Variants in HMBOX1 observed in about 807,000 individuals in gnomAD.
HMBOX1 encodes the protein homeobox containing 1.
HMBOX1 carries 14 observed loss-of-function variants against 54.5 expected under a neutral mutation model. The observed-to-expected ratio is 0.26, with a 90% CI of 0.17 to 0.40. HMBOX1 has a LOEUF of 0.40. HMBOX1 is among the 10% of genes least tolerant of loss of function. The probability of loss-of-function intolerance (pLI) is 1.00; values close to 1 mark genes in which losing one functional copy is unlikely to be tolerated. For synonymous variants in HMBOX1, 160 were observed against 181.0 expected (o/e 0.88, Z 0.93); for missense variants, 332 against 514.4 (o/e 0.65, Z 3.43).
chr8:28,986,065 C>G (rs1830120016), intron 4 of HMBOX1, among the ~76,000 whole-genome samples: 1 of 152,204 alleles, frequency 6.6e-6, no homozygotes. Context: ...AAAAACTTCT[C>G]TGTGCTTTGC....
chr8:28,893,331 A>G (rs1277408760), intron 1 of HMBOX1, among the ~76,000 whole-genome samples: 3 of 152,200 alleles, frequency 2.0e-5, no homozygotes, highest in Non-Finnish European at 4.4e-5. Context: ...AAACCAGGGC[A>G]TGGGTGCTTG....
intron 1 of HMBOX1, among the ~76,000 whole-genome samples, chr8:28,959,875 G>T (rs1028184865): frequency 2.0e-5 from 3 of 151,844 alleles, no homozygotes; most frequent in Admixed American, 1.3e-4. Flanking sequence ...GATATATTCT[G>T]TTTTACTGGG....
chr8:28,959,958 T>C (rs1365130086), intron 1 of HMBOX1, among the ~76,000 whole-genome samples: 1 of 151,972 alleles, frequency 6.6e-6, no homozygotes, highest in Non-Finnish European at 1.5e-5. Context: ...AGGGTTTTTT[T>C]CCCCCAATAC....
chr8:29,025,309 C>A (rs1801858453), intron 6 of HMBOX1, among the ~76,000 whole-genome samples: 1 of 152,116 alleles, frequency 6.6e-6, no homozygotes, highest in South Asian at 2.1e-4. Flanking sequence ...TCACTTTGGG[C>A]AAATCATTCA....
At chr8:28,892,880 A>G (rs1022870194) in intron 1 of HMBOX1, among the ~76,000 whole-genome samples, 50 of 152,186 alleles carry the variant, frequency 3.3e-4, no homozygotes, top group African/African-American at 1.2e-3. Context: ...CTACTTTGCA[A>G]AAACCAGAGA....
chr8:28,960,414 A>G lies in HMBOX1; in HGVS notation c.-57-3397A>G, dbSNP rs1030265664. ...AGATTGTTTGGATTATATATATGAA[A>G]TTAAACCTTTTGTTTTACCGTGTTT... On this transcript the variant is annotated intron_variant, in intron 1 of 9. Transcript: ENST00000287701. Among the ~76,000 whole-genome samples the G allele has an allele frequency of 2.1e-4, 32 of 151,934 alleles. 1 individual carries two copies. The highest frequency in any genetic ancestry group is 1.5e-5 in the Non-Finnish European group (1 of 67,972).
Position 28,936,984 on chromosome 8 carries a change from T to A in HMBOX1, c.-57-26827T>A, listed in dbSNP as rs149452411. 1.1e-4 allele frequency among the ~76,000 whole-genome samples: 16 copies of A among 152,268 alleles called. No individual in the cohort carries two copies. The East Asian group carries it at 3.1e-3, about 29-fold the overall frequency. On this transcript the variant is annotated intron_variant, in intron 1 of 9. Transcript: ENST00000287701. ...TCTTCATTTTAGGTGGTACAGGATA[T>A]AAGATGGTAGTATTGAAAAGAGTGA...
At chr8:29,048,131 A>T (rs1386776228) in intron 8 of HMBOX1, among the ~76,000 whole-genome samples, 2 of 152,324 alleles carry the variant, frequency 1.3e-5, no homozygotes, top group Admixed American at 1.3e-4. Flanking sequence ...CTGGACTATG[A>T]CTTAAATATT....
chr8:28,903,052 CA>C (rs1253886392), intron 1 of HMBOX1, among the ~76,000 whole-genome samples: 1 of 152,054 alleles, frequency 6.6e-6, no homozygotes, highest in Non-Finnish European at 1.5e-5. Flanking sequence ...TTAATGTAAA[CA>C]AATGAAGTAT....
At chr8:28,941,299 C>A (rs936750199) in intron 1 of HMBOX1, among the ~76,000 whole-genome samples, 15 of 152,122 alleles carry the variant, frequency 9.9e-5, no homozygotes, top group African/African-American at 3.4e-4. Context: ...GAAATAAATA[C>A]TTTATTGTAT....
chr8:29,024,974 C>T (rs1033850997), intron 6 of HMBOX1, among the ~76,000 whole-genome samples: 2 of 152,048 alleles, frequency 1.3e-5, no homozygotes, highest in African/African-American at 4.8e-5. Context: ...CTACCCCCCA[C>T]CCCGTCGGTG....
chr8:28,979,731 A>G (rs1022596239), intron 3 of HMBOX1, among the ~76,000 whole-genome samples: 2 of 152,198 alleles, frequency 1.3e-5, no homozygotes, highest in Non-Finnish European at 2.9e-5. Context: ...TGTAAGATAT[A>G]TTCATTCCCC....
chr8:28,976,123 A>G (rs1457911808), intron 3 of HMBOX1, among the ~76,000 whole-genome samples: 1 of 152,236 alleles, frequency 6.6e-6, no homozygotes, highest in Admixed American at 6.5e-5. Context: ...CTGCTTGCCT[A>G]TAGAACTCTT....
At chr8:28,966,280 A>G (rs1200437310) in intron 2 of HMBOX1, among the ~76,000 whole-genome samples, 1 of 152,196 alleles carries the variant, frequency 6.6e-6, no homozygotes, top group African/African-American at 2.4e-5. Context: ...ATATTTTCTT[A>G]GAATATCAGT....
chr8:29,050,960 CT>C, intron 9 of HMBOX1, 57 bp from the exon 10 acceptor site: 1 of 1,566,900 alleles, frequency 6.4e-7, no homozygotes, highest in Non-Finnish European at 8.7e-7. Flanking sequence ...GCATGTCTCT[CT>C]GTGACTAAAG....
chr8:28,918,494 C>T (rs1227691335), intron 1 of HMBOX1, among the ~76,000 whole-genome samples: 1 of 152,172 alleles, frequency 6.6e-6, no homozygotes, highest in Non-Finnish European at 1.5e-5. Flanking sequence ...TGAGCCACCA[C>T]GCCTGGCCAT....
chr8:28,927,337 T>A (rs1372416947), intron 1 of HMBOX1, among the ~76,000 whole-genome samples: 1 of 152,148 alleles, frequency 6.6e-6, no homozygotes, highest in Non-Finnish European at 1.5e-5. Flanking sequence ...AGTCCATTTG[T>A]GTTACTATAA....
intron 4 of HMBOX1, among the ~76,000 whole-genome samples, chr8:29,002,046 T>G: frequency 6.6e-6 from 1 of 152,188 alleles, no homozygotes; most frequent in East Asian, 1.9e-4. Flanking sequence ...AAGCCTTTAT[T>G]ATGTCACTCA....
intron 6 of HMBOX1, among the ~76,000 whole-genome samples, chr8:29,030,841 T>G (rs1802847786): frequency 6.6e-6 from 1 of 152,224 alleles, no homozygotes; most frequent in Non-Finnish European, 1.5e-5. Context: ...TGATCTATCT[T>G]AATACTTTGT....
Sources: gnomAD v4.1 joint callset for allele counts (sites outside exome capture counted in the v4.1 genomes callset) on GRCh38, gnomAD v4.1.1 for gene constraint, MANE v1.5 for transcripts, NCBI Gene and HGNC (gene_info 2026-07-23, HGNC 2026-07-21) for gene names.